Variants in EPHA5 observed in about 807,000 individuals in gnomAD.
The protein encoded by EPHA5 is EPH receptor A5.
Under a neutral mutation model 105.0 loss-of-function variants are expected in EPHA5, and 60 were observed. The ratio of observed to expected loss-of-function variants is 0.57; its 90% CI spans 0.46 to 0.71. The LOEUF is 0.71. Ranked by LOEUF, EPHA5 falls within the 30% of genes least tolerant of loss-of-function variation. The pLI is 0.00. For synonymous variants in EPHA5, 513 were observed against 449.1 expected, an observed-to-expected ratio of 1.14 and a Z score of -1.80; for missense variants, 1,218 against 1,274.7, an observed-to-expected ratio of 0.96 and a Z score of 0.68.
intron 1 of EPHA5, among the ~76,000 whole-genome samples, chr4:65,662,280 G>A (rs1457085175): frequency 6.6e-6 from 1 of 152,084 alleles, no homozygotes; most frequent in African/African-American, 2.4e-5. Flanking sequence ...TTCCAAGTAG[G>A]AACATGTTCT....
At position 65,319,750 on chromosome 4, in the gene EPHA5, A is replaced by T. The variant is rs893022403; in HGVS notation, c.*4364T>A. Reference sequence around the variant, plus strand: ...ATAGCCTGATGTATATCATAGAATAAGATATGCTATATAGCTGCTTCTGAC... The same window carrying T: ...ATAGCCTGATGTATATCATAGAATATGATATGCTATATAGCTGCTTCTGAC... On this transcript the variant is annotated 3_prime_UTR_variant, in exon 17 of 17. Coordinates refer to ENST00000613740, the MANE Select transcript of EPHA5 (RefSeq NM_001281766.3). The T allele has an allele frequency of 8.8e-6, 2 of 227,494 alleles. No individual in the cohort carries two copies. Among genetic ancestry groups the T allele is most frequent in the Non-Finnish European group, 1.7e-5 (2 of 114,470 alleles). The allele number at this position is 227,494 out of a possible 1,614,324, so 14.1% of individuals were successfully genotyped here.
chr4:65,348,659 G>GGTAT lies in EPHA5; in HGVS notation c.2446-457_2446-456insATAC, dbSNP rs1311162748. Among the ~76,000 whole-genome samples the GGTAT allele has an allele frequency of 1.3e-3, 80 of 60,184 alleles. 1 individual carries two copies. The highest frequency in any genetic ancestry group is 3.9e-3 in the South Asian group (6 of 1,532). The allele number at this position is 60,184 out of a possible 152,430, so 39.5% of individuals were successfully genotyped here. A position where few individuals can be genotyped will look rare whatever the true frequency, so the allele number is the denominator to read the frequency against. ...TAATAAGAAAAGCATAAACATTGGAGATATATATATATATATATATATATA... is the reference window on the plus strand; with the variant it reads ...TAATAAGAAAAGCATAAACATTGGAGGTATATATATATATATATATATATATATA... On this transcript the variant is annotated intron_variant, in intron 13 of 16. Coordinates refer to ENST00000613740, the MANE Select transcript of EPHA5 (RefSeq NM_001281766.3).
intron 7 of EPHA5, among the ~76,000 whole-genome samples, chr4:65,408,274 T>C (rs1461496999): frequency 3.9e-5 from 6 of 152,174 alleles, no homozygotes; most frequent in African/African-American, 7.2e-5. Flanking sequence ...GTAATCATGT[T>C]AGCATATTGT....
Position 65,601,711 on chromosome 4 carries a change from C to G in EPHA5, c.840G>C (p.Gly280=). The change falls in exon 3 of 17, where the codon GGG becomes GGC. Residue 280 remains glycine (G), a synonymous_variant. Transcript: ENST00000613740. ...ATTTCCCGATGGGCACCAGCCACTC[C>G]CCTTCGGCGCTGCAGTGCATTTTGG... ...EPPKMHCSAE[G]EWLVPIGKCM... 6.2e-7 allele frequency: 1 copy of G among 1,614,114 alleles called. No individual in the cohort carries two copies.
chr4:65,344,786 T>A (rs1486791701), intron 14 of EPHA5, among the ~76,000 whole-genome samples: 1 of 152,180 alleles, frequency 6.6e-6, no homozygotes, highest in Non-Finnish European at 1.5e-5. Context: ...ATGGGTCTGG[T>A]CTTAGTCTAG....
chr4:65,344,473 A>T lies in EPHA5; in HGVS notation c.2595+3581T>A, dbSNP rs534946272. On this transcript the variant is annotated intron_variant, in intron 14 of 16. Coordinates refer to ENST00000613740, the MANE Select transcript of EPHA5 (RefSeq NM_001281766.3). ...GGCATCATTCCTTATAACGTGGATG[A>T]TCTGCTGCACAGCTGGGAAAAACTA... Among the ~76,000 whole-genome samples the T allele has an allele frequency of 3.3e-5, 5 of 152,282 alleles. No homozygotes were observed. The East Asian group carries it at 9.7e-4, about 30-fold the overall frequency.
intron 5 of EPHA5, among the ~76,000 whole-genome samples, chr4:65,453,386 A>G (rs114809387): frequency 0.041 from 6,208 of 152,232 alleles, 175 homozygotes; most frequent in Non-Finnish European, 0.044. Flanking sequence ...CTTTAGGTCA[A>G]TGAAACTGCC....
At chr4:65,359,079 GTTTCA>G (rs1166048526) in intron 11 of EPHA5, among the ~76,000 whole-genome samples, 2 of 151,486 alleles carry the variant, frequency 1.3e-5, no homozygotes, top group African/African-American at 4.8e-5. Context: ...TTAAAACACA[GTTTCA>G]TTTACTAACT....
intron 3 of EPHA5, among the ~76,000 whole-genome samples, chr4:65,561,896 C>T (rs1405955300): frequency 6.6e-6 from 1 of 151,974 alleles, no homozygotes; most frequent in Non-Finnish European, 1.5e-5. Context: ...GCTCTCAATA[C>T]AGAAGAATTT....
chr4:65,630,089 A>T (rs923086205), intron 2 of EPHA5, among the ~76,000 whole-genome samples: 4 of 151,608 alleles, frequency 2.6e-5, no homozygotes, highest in East Asian at 1.9e-4. Flanking sequence ...TCTCACACAC[A>T]CACACACACA....
At chr4:65,442,724 A>C (rs1389256097) in intron 5 of EPHA5, among the ~76,000 whole-genome samples, 1 of 152,236 alleles carries the variant, frequency 6.6e-6, no homozygotes, top group Non-Finnish European at 1.5e-5. Flanking sequence ...ATAAAATTAC[A>C]TATGCCCACC....
intron 3 of EPHA5, among the ~76,000 whole-genome samples, chr4:65,545,175 G>C (rs1335991472): frequency 6.6e-6 from 1 of 151,880 alleles, no homozygotes; most frequent in African/African-American, 2.4e-5. Flanking sequence ...CTAACTGAAA[G>C]TAATATGACA....
intron 1 of EPHA5, among the ~76,000 whole-genome samples, chr4:65,651,326 C>T (rs996313312): frequency 1.3e-5 from 2 of 152,130 alleles, no homozygotes; most frequent in Non-Finnish European, 2.9e-5. Context: ...TGGGAAAAAT[C>T]AATGTTGTTG....
At chr4:65,656,195 A>G (rs1749047607) in intron 1 of EPHA5, among the ~76,000 whole-genome samples, 1 of 151,244 alleles carries the variant, frequency 6.6e-6, no homozygotes, top group African/African-American at 2.4e-5. Flanking sequence ...ATGGCTTTCT[A>G]CAATGACTCA....
chr4:65,481,713 A>G (rs1730381816), intron 5 of EPHA5, among the ~76,000 whole-genome samples: 1 of 152,200 alleles, frequency 6.6e-6, no homozygotes, highest in Admixed American at 6.5e-5. Context: ...AAATTTGTAA[A>G]TGCATGGGGG....
chr4:65,545,082 G>A (rs766936956), intron 3 of EPHA5, among the ~76,000 whole-genome samples: 5 of 151,762 alleles, frequency 3.3e-5, no homozygotes, highest in Non-Finnish European at 5.9e-5. Context: ...TACCATGGGG[G>A]CTATTGTTCT....
Position 65,490,708 on chromosome 4 carries a change from G to T in EPHA5, c.1071C>A (p.Pro357=), listed in dbSNP as rs768107210. ...AGATGGCATTCCGAGGAGCAGAGGG[G>T]GGTCCTGGTTTACAAAGTAAAGTAA... ...SDPPTMACTR[P]PSAPRNAISN... The change falls in exon 5 of 17, where the codon CCC becomes CCA. Residue 357 remains proline (P), a synonymous_variant. Coordinates refer to ENST00000613740, the MANE Select transcript of EPHA5 (RefSeq NM_001281766.3). 1 of 1,612,686 alleles carries T rather than the reference G, an allele frequency of 6.2e-7. No individual in the cohort carries two copies. The highest frequency in any genetic ancestry group is 2.2e-5 in the East Asian group (1 of 44,846).
intron 3 of EPHA5, among the ~76,000 whole-genome samples, chr4:65,525,726 GCATGAATAAAC>G (rs1735166389): frequency 6.6e-6 from 1 of 151,826 alleles, no homozygotes; most frequent in East Asian, 1.9e-4. Flanking sequence ...AAGCCCCCTG[GCATGAATAAAC>G]CATGAATGTA....
intron 4 of EPHA5, among the ~76,000 whole-genome samples, chr4:65,492,377 T>C (rs1412900209): frequency 2.6e-5 from 4 of 151,820 alleles, no homozygotes; most frequent in African/African-American, 9.7e-5. Context: ...AATTTTTGTA[T>C]TTTTAGTAGA....
Sources: allele counts gnomAD v4.1 joint callset (sites outside exome capture counted in the v4.1 genomes callset), GRCh38; gene constraint gnomAD v4.1.1; transcripts MANE v1.5; gene names NCBI Gene and HGNC (gene_info 2026-07-23, HGNC 2026-07-21).